The following SEMA6D variants were observed in gnomAD, a reference collection of about 807,000 sequenced individuals.
SEMA6D encodes the protein semaphorin-6D.
A neutral mutation model predicts 106.6 loss-of-function variants in SEMA6D; 35 were observed. The ratio of observed to expected loss-of-function variants is 0.33; its 90% CI spans 0.25 to 0.44. SEMA6D has a LOEUF of 0.44. Among genes scored for constraint, SEMA6D ranks in the 20% least tolerant of loss-of-function variants. SEMA6D has a pLI of 1.00. For missense variants in SEMA6D, 1,185 were observed against 1,345.9 expected, an observed-to-expected ratio of 0.88 and a Z score of 1.87; for synonymous variants, 499 against 487.7, an observed-to-expected ratio of 1.02 and a Z score of -0.31.
At chr15:47,411,714 G>A (rs1318789945) in intron 1 of SEMA6D, among the ~76,000 whole-genome samples, 1 of 152,048 alleles carries the variant, frequency 6.6e-6, no homozygotes, top group Non-Finnish European at 1.5e-5. Context: ...CACCCCCTCT[G>A]TCTTCAGGTT....
intron 4 of SEMA6D, among the ~76,000 whole-genome samples, chr15:47,675,259 C>T (rs2078219717): frequency 6.6e-6 from 1 of 152,136 alleles, no homozygotes; most frequent in Non-Finnish European, 1.5e-5. Context: ...TGTTGAAGCC[C>T]TAATCCCTAG....
At chr15:47,489,015 A>C (rs562338303) in intron 3 of SEMA6D, among the ~76,000 whole-genome samples, 1 of 152,344 alleles carries the variant, frequency 6.6e-6, no homozygotes, top group East Asian at 1.9e-4. Context: ...ATATGAGCTT[A>C]TTTGGGGGGA....
intron 3 of SEMA6D, among the ~76,000 whole-genome samples, chr15:47,480,669 A>G (rs980595240): frequency 1.3e-5 from 2 of 152,190 alleles, no homozygotes; most frequent in Admixed American, 1.3e-4. Context: ...TGCTTCTGCC[A>G]CTGAACTGCT....
intron 1 of SEMA6D, among the ~76,000 whole-genome samples, chr15:47,366,205 A>G (rs1008290724): frequency 2.6e-5 from 4 of 152,250 alleles, no homozygotes; most frequent in African/African-American, 9.6e-5. Context: ...GTCTATTTGT[A>G]TCATATGCGT....
rs115988402 is a variant in SEMA6D at position 47,300,112 on chromosome 15, G to A, written c.-238-112281G>A. Among the ~76,000 whole-genome samples the A allele has an allele frequency of 4.4e-3, 676 of 152,306 alleles. 3 individuals carry two copies. The highest frequency in any genetic ancestry group is 0.016 in the African/African-American group (650 of 41,568). Reference sequence around the variant, plus strand: ...AGCAAACTTGGAGAATAATAGGATCGTCAGATCACTGGGAGCAGCTTTGTC... The same window carrying A: ...AGCAAACTTGGAGAATAATAGGATCATCAGATCACTGGGAGCAGCTTTGTC... On this transcript the variant is annotated intron_variant, in intron 1 of 19. Coordinates refer to the SEMA6D transcript ENST00000558014.
intron 1 of SEMA6D, chr15:47,274,852 C>G (rs976210710): frequency 6.6e-6 from 1 of 152,148 alleles, no homozygotes; most frequent in Non-Finnish European, 1.5e-5. Flanking sequence ...ACTCTTTCAG[C>G]AGGTGAATTT....
At chr15:47,701,403 T>G (rs938005270) in intron 4 of SEMA6D, among the ~76,000 whole-genome samples, 5 of 152,102 alleles carry the variant, frequency 3.3e-5, no homozygotes, top group African/African-American at 4.8e-5. Context: ...GGATACAAAA[T>G]TTCAGTTAGA....
At chr15:47,192,495 G>A (rs1248175136) in intron 1 of SEMA6D, among the ~76,000 whole-genome samples, 1 of 152,026 alleles carries the variant, frequency 6.6e-6, no homozygotes, top group African/African-American at 2.4e-5. Context: ...TTATATAAAG[G>A]AAGTTTCTTT....
At chr15:47,507,036 C>T (rs769759707) in intron 3 of SEMA6D, among the ~76,000 whole-genome samples, 4 of 152,120 alleles carry the variant, frequency 2.6e-5, no homozygotes, top group Non-Finnish European at 4.4e-5. Context: ...GGGTCTCTAT[C>T]ATTTAACCAA....
chr15:47,324,692 A>G (rs909911944), intron 1 of SEMA6D, among the ~76,000 whole-genome samples: 1 of 150,386 alleles, frequency 6.6e-6, no homozygotes, highest in African/African-American at 2.4e-5. Flanking sequence ...AATATATGCT[A>G]TTTATACTAT....
At chr15:47,319,972 C>CT (rs1033255319) in intron 1 of SEMA6D, among the ~76,000 whole-genome samples, 3 of 152,114 alleles carry the variant, frequency 2.0e-5, no homozygotes, top group Admixed American at 1.3e-4. Flanking sequence ...CTGTGAGTCT[C>CT]TAAGTCACAA....
At chr15:47,553,224 C>G (rs1261375729) in intron 3 of SEMA6D, among the ~76,000 whole-genome samples, 1 of 151,620 alleles carries the variant, frequency 6.6e-6, no homozygotes, top group Non-Finnish European at 1.5e-5. Flanking sequence ...AATTTTATGC[C>G]CTTAGTCATA....
At chr15:47,739,997 T>G (rs1433618343) in intron 1 of SEMA6D, among the ~76,000 whole-genome samples, 1 of 152,156 alleles carries the variant, frequency 6.6e-6, no homozygotes, top group Non-Finnish European at 1.5e-5. Context: ...TTAATAGATG[T>G]GAAGTGAAGT....
At chr15:47,422,180 G>GCCTGCCTT (rs1455030787) in intron 2 of SEMA6D, among the ~76,000 whole-genome samples, 22,169 of 112,762 alleles carry the variant, frequency 0.2, 2,889 homozygotes, top group Middle Eastern at 0.34. Flanking sequence ...CCGCCTGCCT[G>GCCTGCCTT]CCTTCCTTCC....
intron 4 of SEMA6D, among the ~76,000 whole-genome samples, chr15:47,681,008 T>C (rs1212178858): frequency 1.3e-5 from 2 of 152,200 alleles, no homozygotes; most frequent in Non-Finnish European, 2.9e-5. Flanking sequence ...TTGTTGCCGC[T>C]ATGGAAAACA....
At chr15:47,231,925 T>C (rs987323754) in intron 1 of SEMA6D, among the ~76,000 whole-genome samples, 2 of 152,030 alleles carry the variant, frequency 1.3e-5, no homozygotes, top group Non-Finnish European at 2.9e-5. Flanking sequence ...ATTCAAAATA[T>C]TGTGCAAACA....
chr15:47,762,415 T>G (rs1336803884), intron 8 of SEMA6D, 96 bp downstream of exon 8: 2 of 1,368,444 alleles, frequency 1.5e-6, no homozygotes, highest in Admixed American at 3.9e-5. Flanking sequence ...GCGCATGACT[T>G]TATATTGTTT....
intron 4 of SEMA6D, among the ~76,000 whole-genome samples, chr15:47,619,919 T>C (rs959516991): frequency 1.3e-5 from 2 of 152,024 alleles, no homozygotes; most frequent in East Asian, 1.9e-4. Flanking sequence ...TCAGAGACCT[T>C]CCAAAGCTTA....
intron 1 of SEMA6D, among the ~76,000 whole-genome samples, chr15:47,326,048 A>G (rs191088577): frequency 1.4e-4 from 22 of 152,292 alleles, no homozygotes; most frequent in Admixed American, 5.2e-4. Flanking sequence ...TAGGGGTCCG[A>G]ATCAAAGCTG....
Sources: gnomAD v4.1 joint callset for allele counts (sites outside exome capture counted in the v4.1 genomes callset) on GRCh38, gnomAD v4.1.1 for gene constraint, MANE v1.5 for transcripts, NCBI Gene and HGNC (gene_info 2026-07-23, HGNC 2026-07-21) for gene names.